PDXDC1: variants seen among roughly 807,000 people sequenced by gnomAD.
PDXDC1 encodes pyridoxal-dependent decarboxylase domain-containing protein 1.
A neutral mutation model predicts 100.1 loss-of-function variants in PDXDC1; 42 were observed. The ratio of observed to expected loss-of-function variants is 0.42; its 90% CI spans 0.33 to 0.54. The LOEUF (loss-of-function observed/expected upper bound fraction) is 0.54, where lower values mean the gene tolerates loss of function less well. Among genes scored for constraint, PDXDC1 ranks in the 20% least tolerant of loss-of-function variants. PDXDC1 has a pLI of 0.10. For missense variants in PDXDC1, 636 were observed against 979.2 expected, an observed-to-expected ratio of 0.65 and a Z score of 4.68; for synonymous variants, 260 against 371.7, an observed-to-expected ratio of 0.70 and a Z score of 3.46.
chr16:15,044,721 CAT>C, intron 16 of PDXDC1: 1 of 366,226 alleles, frequency 2.7e-6, no homozygotes. Flanking sequence ...CAGTGGCTCA[CAT>C]CTGTAATCCT....
At chr16:14,975,024 G>A (rs374226097), upstream of PDXDC1, 106 of 1,532,022 alleles carry the variant, frequency 6.9e-5, no homozygotes, top group East Asian at 1.7e-3. Context: ...CCGCCCCGCC[G>A]CCTCTCAACC....
At chr16:15,021,315 T>A (rs2042185041) in intron 12 of PDXDC1, among the ~76,000 whole-genome samples, 1 of 152,188 alleles carries the variant, frequency 6.6e-6, no homozygotes, top group African/African-American at 2.4e-5. Flanking sequence ...AGGTCAAGGT[T>A]GCCGTGAGCC....
At chr16:15,084,552 C>A (rs374773333) in intron 16 of PDXDC1, 1 of 929,032 alleles carries the variant, frequency 1.1e-6, no homozygotes, top group Non-Finnish European at 1.7e-6. Flanking sequence ...AAGACTCAAG[C>A]TTTAATACTA....
At chr16:15,047,607 G>T in intron 16 of PDXDC1, 3 of 1,266,666 alleles carry the variant, frequency 2.4e-6, no homozygotes, top group Admixed American at 1.7e-5. Context: ...GCAGTGCGCA[G>T]GCCGAGACTC....
At chr16:15,048,174 C>A in intron 16 of PDXDC1, 2 of 1,040,662 alleles carry the variant, frequency 1.9e-6, no homozygotes, top group Non-Finnish European at 1.4e-6. Flanking sequence ...TGGAGAGAGC[C>A]AAAGTGGGCT....
At chr16:15,084,197 AATC>A (rs1439020868) in intron 16 of PDXDC1, among the ~76,000 whole-genome samples, 1 of 152,218 alleles carries the variant, frequency 6.6e-6, no homozygotes, top group East Asian at 1.9e-4. Flanking sequence ...AAGAAGAAAA[AATC>A]ATCAAGTTGG....
intron 16 of PDXDC1, among the ~76,000 whole-genome samples, chr16:15,131,932 G>T (rs576746465): frequency 1.5e-4 from 2 of 13,604 alleles, no homozygotes; most frequent in African/African-American, 7.6e-4. Flanking sequence ...GATGGGGAGA[G>T]GGAGGAAAAA....
chr16:15,117,357 T>G lies in PDXDC1; in HGVS notation c.1400-21522T>G, dbSNP rs369764295. On this transcript the variant is annotated intron_variant, in intron 16 of 16. Transcript: ENST00000535621. ...ATGTACTTTCCAAAGTTAGTAAACT[T>G]ACACTTAAGGTTATATATTTTGGCC... 8.7e-3 allele frequency among the ~76,000 whole-genome samples: 1,130 copies of G among 130,388 alleles called. 7 individuals carry two copies. Among genetic ancestry groups the G allele is most frequent in the Middle Eastern group, 0.04 (11 of 276 alleles). 85.5% of individuals were successfully genotyped at this position (130,388 alleles called of 152,430 possible).
chr16:15,139,667 A>T (rs1481711078), downstream of PDXDC1, among the ~76,000 whole-genome samples: 1 of 151,986 alleles, frequency 6.6e-6, no homozygotes, highest in South Asian at 2.1e-4. Flanking sequence ...TGTAGTTCCA[A>T]CTACTCGGGG....
chr16:15,061,709 C>T (rs1218268080), intron 16 of PDXDC1: 1 of 1,589,434 alleles, frequency 6.3e-7, no homozygotes, highest in African/African-American at 1.3e-5. Flanking sequence ...GATGGGGAAT[C>T]CCAAATGTCA....
chr16:15,016,159 T>C lies in PDXDC1; in HGVS notation c.758T>C (p.Ile253Thr), dbSNP rs745397606. 19 of 1,613,746 alleles carry C rather than the reference T, an allele frequency of 1.2e-5. No homozygotes were observed. The African/African-American group carries it at 1.5e-4, about 12-fold the overall frequency. Residue 253 changes from isoleucine to threonine, a missense_variant, in exon 9 of 23, where the codon ATT (isoleucine) becomes ACT (threonine). Physicochemically the swap from Ile to Thr is moderately conservative, Grantham distance 89 (BLOSUM62 -1). Transcript: ENST00000396410. ...GTAAVGHTDK[I>T]GRLKELCEQY... ...GCAGCAGTAGGACACACAGACAAGA[T>C]TGGGAGATTGAAAGAACTCTGTGAG...
intron 16 of PDXDC1, chr16:15,047,643 CT>C: frequency 9.8e-7 from 1 of 1,015,844 alleles, no homozygotes; most frequent in South Asian, 1.3e-5. Flanking sequence ...ACCGCCTCAT[CT>C]TTGAATATCC....
intron 3 of PDXDC1, 101 bp downstream of exon 3, chr16:14,998,506 A>T: frequency 7.6e-7 from 1 of 1,317,530 alleles, no homozygotes; most frequent in Non-Finnish European, 1.1e-6. Flanking sequence ...GTGCAGTGGC[A>T]CAATCTGGGC....
chr16:15,099,019 CAGCA>C (rs1266948099), intron 16 of PDXDC1, among the ~76,000 whole-genome samples: 1 of 152,188 alleles, frequency 6.6e-6, no homozygotes, highest in African/African-American at 2.4e-5. Flanking sequence ...TGTACACTTC[CAGCA>C]ATATCTTCTT....
At chr16:15,061,777 T>G in intron 16 of PDXDC1, 1 of 1,613,904 alleles carries the variant, frequency 6.2e-7, no homozygotes, top group East Asian at 2.2e-5. Flanking sequence ...ACAACACGGG[T>G]GGGGAGCCCA....
chr16:15,050,731 CAA>C (rs758597516), intron 16 of PDXDC1, among the ~76,000 whole-genome samples: 1 of 129,778 alleles, frequency 7.7e-6, no homozygotes. Context: ...GACCCTGCCT[CAA>C]AAAAAAAAAA....
chr16:15,099,970 G>A (rs1304567541), intron 16 of PDXDC1, among the ~76,000 whole-genome samples: 1 of 152,196 alleles, frequency 6.6e-6, no homozygotes, highest in Non-Finnish European at 1.5e-5. Flanking sequence ...AGCAGAAAAG[G>A]AGAATTTGTT....
chr16:15,032,148 C>T lies in PDXDC1; in HGVS notation c.1571+242C>T, dbSNP rs951456477. The T allele has an allele frequency of 1.4e-4, 77 of 550,486 alleles. 1 individual carries two copies. The East Asian group carries it at 2.1e-3, about 15-fold the overall frequency. The allele number at this position is 550,486 out of a possible 1,614,324, so 34.1% of individuals were successfully genotyped here. A position where few individuals can be genotyped will look rare whatever the true frequency, so the allele number is the denominator to read the frequency against. On this transcript the variant is annotated intron_variant, in intron 17 of 22. Coordinates refer to ENST00000396410, the MANE Select transcript of PDXDC1 (RefSeq NM_015027.4). The stretch of plus-strand genomic sequence containing the variant: ...GTCTGTAGGTGCCGACTCTCAGCTA[C>T]CTAGGAGAAGATGCCAACAGGTATA...
At chr16:15,096,216 C>A (rs1392871014) in intron 16 of PDXDC1, among the ~76,000 whole-genome samples, 2 of 151,944 alleles carry the variant, frequency 1.3e-5, no homozygotes, top group Non-Finnish European at 2.9e-5. Flanking sequence ...TCAAGCGATT[C>A]TTGTGCCTCA....
Sources: gnomAD v4.1 joint callset for allele counts (sites outside exome capture counted in the v4.1 genomes callset) on GRCh38, gnomAD v4.1.1 for gene constraint, MANE v1.5 for transcripts, NCBI Gene and HGNC (gene_info 2026-07-23, HGNC 2026-07-21) for gene names.